The following DPP6 variants were observed in gnomAD, a reference collection of about 807,000 sequenced individuals.
DPP6 encodes dipeptidyl peptidase like 6.
DPP6 carries 69 observed loss-of-function variants against 122.6 expected under a neutral mutation model. That is an observed-to-expected ratio of 0.56 (90% confidence interval 0.46 to 0.69). The LOEUF is 0.69. Ranked by LOEUF, DPP6 falls within the 30% of genes least tolerant of loss-of-function variation. The probability of loss-of-function intolerance (pLI) is 0.00; values close to 1 mark genes in which losing one functional copy is unlikely to be tolerated. For synonymous variants in DPP6, 418 were observed against 433.1 expected (o/e 0.97, Z 0.43); for missense variants, 928 against 1,116.9 (o/e 0.83, Z 2.41).
At chr7:154,187,046 C>A (rs1798385567) in intron 1 of DPP6, among the ~76,000 whole-genome samples, 1 of 152,174 alleles carries the variant, frequency 6.6e-6, no homozygotes, top group Non-Finnish European at 1.5e-5. Context: ...ATGACTCAGT[C>A]TGGTGAAAAA....
intron 1 of DPP6, among the ~76,000 whole-genome samples, chr7:154,228,792 G>T (rs975696047): frequency 6.6e-6 from 1 of 152,264 alleles, no homozygotes; most frequent in South Asian, 2.1e-4. Context: ...TTAAAGCAAT[G>T]ATGTCAGTCA....
At chr7:154,207,408 A>G (rs981432923) in intron 1 of DPP6, among the ~76,000 whole-genome samples, 2 of 152,240 alleles carry the variant, frequency 1.3e-5, no homozygotes, top group Non-Finnish European at 2.9e-5. Flanking sequence ...ATTAACACCA[A>G]ACATATACAA....
chr7:154,302,109 G>A (rs1373209221), intron 1 of DPP6, among the ~76,000 whole-genome samples: 1 of 152,148 alleles, frequency 6.6e-6, no homozygotes, highest in Non-Finnish European at 1.5e-5. Flanking sequence ...GTACAAGGTT[G>A]TACAGCAGAT....
Position 154,152,517 on chromosome 7 carries a change from A to G in DPP6, c.243+99454A>G, listed in dbSNP as rs1440110740. ...AATGCTAGACTGAGATGCCTCTTGT[A>G]TGGAAAATATTTCTTAGGAGTTTAG... On this transcript the variant is annotated intron_variant, in intron 1 of 25. Coordinates refer to ENST00000377770, the MANE Select transcript of DPP6 (RefSeq NM_130797.4). Among the ~76,000 whole-genome samples, 4 of 152,182 alleles carry G rather than the reference A, an allele frequency of 2.6e-5. 1 individual carries two copies. Among genetic ancestry groups the G allele is most frequent in the Non-Finnish European group, 5.9e-5 (4 of 68,034 alleles).
intron 10 of DPP6, among the ~76,000 whole-genome samples, chr7:154,786,530 T>C (rs1265440064): frequency 6.6e-6 from 1 of 152,152 alleles, no homozygotes; most frequent in Non-Finnish European, 1.5e-5. Context: ...AGGGGCTTTT[T>C]CCCCTTTGCT....
intron 1 of DPP6, among the ~76,000 whole-genome samples, chr7:154,248,927 T>C (rs1802166739): frequency 6.6e-6 from 1 of 152,054 alleles, no homozygotes; most frequent in Non-Finnish European, 1.5e-5. Context: ...TTTCAATGTA[T>C]ATAAATTTTA....
At chr7:154,784,770 TATC>T (rs1797239084) in intron 10 of DPP6, among the ~76,000 whole-genome samples, 1 of 152,178 alleles carries the variant, frequency 6.6e-6, no homozygotes, top group Admixed American at 6.5e-5. Flanking sequence ...CTGTGTGTCC[TATC>T]ACCAGCTCCC....
the DPP6 span, among the ~76,000 whole-genome samples, chr7:153,769,927 G>T: frequency 6.6e-6 from 1 of 152,322 alleles, no homozygotes; most frequent in Non-Finnish European, 1.5e-5. Flanking sequence ...GTGTGGGTTG[G>T]TGAGGGACAG....
chr7:154,861,307 T>C (rs1225717294), intron 17 of DPP6, among the ~76,000 whole-genome samples: 1 of 152,218 alleles, frequency 6.6e-6, no homozygotes, highest in African/African-American at 2.4e-5. Flanking sequence ...AAAGTTTTTC[T>C]CATTAATTCA....
the DPP6 span, among the ~76,000 whole-genome samples, chr7:153,786,740 G>GAAAAAAAAAAAAAAA: frequency 6.3e-5 from 2 of 31,806 alleles, no homozygotes; most frequent in African/African-American, 2.0e-4. Flanking sequence ...CTCCGTCTCA[G>GAAAAAAAAAAAAAAA]AAAAAAAAAA....
the DPP6 span, among the ~76,000 whole-genome samples, chr7:153,804,648 A>G: frequency 1.3e-5 from 2 of 152,238 alleles, no homozygotes; most frequent in East Asian, 3.9e-4. Context: ...TAATCCCAGC[A>G]CTTTGGGAGA....
intron 1 of DPP6, among the ~76,000 whole-genome samples, chr7:154,192,511 T>C (rs1798663201): frequency 6.6e-6 from 1 of 152,192 alleles, no homozygotes; most frequent in Non-Finnish European, 1.5e-5. Flanking sequence ...AAGCCAGGCA[T>C]AGGGAATTCG....
intron 1 of DPP6, among the ~76,000 whole-genome samples, chr7:154,339,420 C>T (rs1163286381): frequency 6.6e-6 from 1 of 152,164 alleles, no homozygotes; most frequent in Non-Finnish European, 1.5e-5. Flanking sequence ...CTTTACGGTC[C>T]TCTCAGCGGA....
At chr7:154,133,730 C>A (rs1464813875) in intron 1 of DPP6, among the ~76,000 whole-genome samples, 3 of 151,618 alleles carry the variant, frequency 2.0e-5, no homozygotes, top group Non-Finnish European at 4.4e-5. Context: ...GGGACAGAGT[C>A]ATTTAATTTC....
chr7:154,431,099 T>G (rs958690501), intron 1 of DPP6, among the ~76,000 whole-genome samples: 2 of 152,082 alleles, frequency 1.3e-5, no homozygotes, highest in Admixed American at 1.3e-4. Context: ...AGGGAAGTGT[T>G]GGTGAAGTCC....
At chr7:154,860,177 C>T (rs1803253066) in intron 17 of DPP6, among the ~76,000 whole-genome samples, 1 of 152,182 alleles carries the variant, frequency 6.6e-6, no homozygotes, top group Admixed American at 6.5e-5. Flanking sequence ...ACCAGTGCTG[C>T]TGGGCGCACC....
intron 1 of DPP6, among the ~76,000 whole-genome samples, chr7:154,086,645 G>GTC (rs1482993303): frequency 6.8e-6 from 1 of 146,070 alleles, no homozygotes; most frequent in African/African-American, 2.5e-5. Flanking sequence ...TTGAGATGGA[G>GTC]TCTCGCTCTG....
intron 1 of DPP6, among the ~76,000 whole-genome samples, chr7:154,280,759 G>T (rs974391042): frequency 6.6e-6 from 1 of 152,110 alleles, no homozygotes; most frequent in African/African-American, 2.4e-5. Context: ...CAATAACGCA[G>T]TGTAAGAATC....
chr7:154,231,979 G>A (rs1469789838), intron 1 of DPP6, among the ~76,000 whole-genome samples: 1 of 152,214 alleles, frequency 6.6e-6, no homozygotes, highest in Non-Finnish European at 1.5e-5. Flanking sequence ...CAGGGTTGCC[G>A]TGTGATAGGA....
Sources: gnomAD v4.1 joint callset for allele counts (sites outside exome capture counted in the v4.1 genomes callset) on GRCh38, gnomAD v4.1.1 for gene constraint, MANE v1.5 for transcripts, NCBI Gene and HGNC (gene_info 2026-07-23, HGNC 2026-07-21) for gene names.